The following STXBP5L variants were observed in gnomAD, a reference collection of about 807,000 sequenced individuals.
STXBP5L encodes syntaxin binding protein 5L.
A neutral mutation model predicts 144.5 loss-of-function variants in STXBP5L; 65 were observed. The ratio of observed to expected loss-of-function variants is 0.45; its 90% confidence interval spans 0.37 to 0.55. The LOEUF (loss-of-function observed/expected upper bound fraction) is 0.55, where lower values mean the gene tolerates loss of function less well. Among genes scored for constraint, STXBP5L ranks in the 20% least tolerant of loss-of-function variants. The probability of loss-of-function intolerance (pLI) is 0.00; values close to 1 mark genes in which losing one functional copy is unlikely to be tolerated. For missense variants in STXBP5L, 1,298 were observed against 1,405.5 expected (o/e 0.92, Z 1.22); for synonymous variants, 505 against 469.6 (o/e 1.08, Z -0.97).
intron 5 of STXBP5L, among the ~76,000 whole-genome samples, chr3:121,097,962 A>AT (rs941428647): frequency 4.8e-4 from 72 of 151,046 alleles, no homozygotes; most frequent in Middle Eastern, 3.4e-3. Context: ...CAATACTCCC[A>AT]TTTTTTTTTC....
rs532127215 is a variant in STXBP5L, at chr3:121,160,195, G to C, written c.877+2568G>C. On this transcript the variant is annotated intron_variant, in intron 9 of 26. Coordinates refer to ENST00000471454, the MANE Select transcript of STXBP5L (RefSeq NM_001308330.2). ...CTTGTCTAGTGCTATCAATTGCTGA[G>C]AGAGTGCTATTAAATTTCCTAATAT... is the stretch of plus-strand genomic sequence containing the variant. 2.6e-5 allele frequency among the ~76,000 whole-genome samples: 4 copies of C among 152,238 alleles called. No individual in the cohort carries two copies. In the South Asian group the frequency reaches 8.3e-4, roughly 32 times the overall value.
intron 9 of STXBP5L, among the ~76,000 whole-genome samples, chr3:121,183,152 A>G (rs1218838323): frequency 6.6e-6 from 1 of 152,232 alleles, no homozygotes; most frequent in African/African-American, 2.4e-5. Flanking sequence ...TCAAAGTAAT[A>G]AAAGCCGTCT....
intron 3 of STXBP5L, among the ~76,000 whole-genome samples, chr3:120,977,224 T>TG (rs1276062597): frequency 2.0e-5 from 3 of 152,202 alleles, no homozygotes; most frequent in Non-Finnish European, 4.4e-5. Flanking sequence ...TGAATCTGGG[T>TG]GCTCCTGTAT....
chr3:121,212,805 A>G (rs1175815442), intron 10 of STXBP5L, among the ~76,000 whole-genome samples: 1 of 152,212 alleles, frequency 6.6e-6, no homozygotes, highest in Admixed American at 6.5e-5. Flanking sequence ...TATTTTGAGC[A>G]GTGTGGCCAT....
intron 3 of STXBP5L, among the ~76,000 whole-genome samples, chr3:120,983,368 C>G (rs972633754): frequency 6.6e-6 from 1 of 152,086 alleles, no homozygotes; most frequent in African/African-American, 2.4e-5. Context: ...TCAGTTTGCT[C>G]ACTTCTCTGT....
At chr3:121,215,729 C>T (rs2048753412) in intron 10 of STXBP5L, among the ~76,000 whole-genome samples, 2 of 152,084 alleles carry the variant, frequency 1.3e-5, no homozygotes, top group Admixed American at 6.6e-5. Flanking sequence ...TCTTTATTTT[C>T]TGAATTTGAA....
chr3:121,267,666 C>T (rs571212814), intron 18 of STXBP5L, among the ~76,000 whole-genome samples: 1 of 152,062 alleles, frequency 6.6e-6, no homozygotes, highest in Non-Finnish European at 1.5e-5. Context: ...ATCCATCTGA[C>T]AAAGGTCTAA....
At chr3:120,927,150 C>T (rs562793562) in intron 2 of STXBP5L, among the ~76,000 whole-genome samples, 27 of 152,092 alleles carry the variant, frequency 1.8e-4, no homozygotes, top group South Asian at 8.3e-4. Flanking sequence ...TTAACCAGGA[C>T]GGTCTCAATC....
At chr3:121,042,642 A>C (rs1453307774) in intron 4 of STXBP5L, among the ~76,000 whole-genome samples, 3 of 152,148 alleles carry the variant, frequency 2.0e-5, no homozygotes, top group African/African-American at 7.2e-5. Context: ...TATCTTCCTA[A>C]GAACTTACAA....
chr3:120,912,774 T>C (rs1250065099), intron 2 of STXBP5L, among the ~76,000 whole-genome samples: 6 of 152,018 alleles, frequency 3.9e-5, no homozygotes, highest in African/African-American at 1.4e-4. Flanking sequence ...ACTATTGCTC[T>C]ATAAAATAAA....
At chr3:121,018,114 C>T (rs1258795340) in intron 3 of STXBP5L, among the ~76,000 whole-genome samples, 4 of 151,824 alleles carry the variant, frequency 2.6e-5, no homozygotes, top group African/African-American at 9.7e-5. Flanking sequence ...AAGAGATATT[C>T]CAGGTACATG....
At chr3:120,991,316 A>C (rs1576593015) in intron 3 of STXBP5L, among the ~76,000 whole-genome samples, 1 of 151,788 alleles carries the variant, frequency 6.6e-6, no homozygotes, top group East Asian at 1.9e-4. Context: ...GCGATCATTA[A>C]AAAGTCAGGA....
chr3:121,350,472 G>A (rs2045230527), intron 20 of STXBP5L, among the ~76,000 whole-genome samples: 1 of 152,062 alleles, frequency 6.6e-6, no homozygotes, highest in African/African-American at 2.4e-5. Context: ...TCTTTGTGGT[G>A]TTCTCTGTAT....
At chr3:121,251,917 G>A (rs1188196209) in intron 15 of STXBP5L, among the ~76,000 whole-genome samples, 1 of 152,112 alleles carries the variant, frequency 6.6e-6, no homozygotes, top group African/African-American at 2.4e-5. Context: ...ATAATAAAAA[G>A]CAACTGCCTA....
intron 6 of STXBP5L, among the ~76,000 whole-genome samples, chr3:121,119,147 A>G (rs1376167142): frequency 6.6e-6 from 1 of 151,528 alleles, no homozygotes; most frequent in Non-Finnish European, 1.5e-5. Flanking sequence ...GCTCTGAATT[A>G]TGACTTTCTA....
intron 22 of STXBP5L, among the ~76,000 whole-genome samples, chr3:121,387,926 C>T (rs980471652): frequency 6.6e-6 from 1 of 151,986 alleles, no homozygotes; most frequent in African/African-American, 2.4e-5. Flanking sequence ...TAGTTTTTTC[C>T]AATTCTGTGA....
At chr3:120,970,713 T>G (rs2107792632) in intron 3 of STXBP5L, among the ~76,000 whole-genome samples, 1 of 152,250 alleles carries the variant, frequency 6.6e-6, no homozygotes, top group Non-Finnish European at 1.5e-5. Context: ...TTTCTCTAGA[T>G]TTTGGAATTT....
intron 3 of STXBP5L, among the ~76,000 whole-genome samples, chr3:121,017,207 C>A (rs963535758): frequency 6.6e-6 from 1 of 152,122 alleles, no homozygotes; most frequent in Non-Finnish European, 1.5e-5. Flanking sequence ...TTAGTAGATG[C>A]AGAGTAAGCA....
intron 20 of STXBP5L, among the ~76,000 whole-genome samples, chr3:121,353,756 C>G (rs146107909): frequency 3.1e-4 from 47 of 152,116 alleles, no homozygotes; most frequent in Non-Finnish European, 6.5e-4. Context: ...GCTTCTCTAG[C>G]TCTTTTAATT....
Sources: gnomAD v4.1 joint callset for allele counts (sites outside exome capture counted in the v4.1 genomes callset) on GRCh38, gnomAD v4.1.1 for gene constraint, MANE v1.5 for transcripts, NCBI Gene and HGNC (gene_info 2026-07-23, HGNC 2026-07-21) for gene names.